Variants in PLXNA2 observed in about 807,000 individuals in gnomAD.
PLXNA2 encodes the protein plexin A2.
In PLXNA2, 91 loss-of-function variants were observed where a neutral mutation model predicts 193.5. The observed-to-expected ratio is 0.47, with a 90% confidence interval of 0.40 to 0.56. PLXNA2 has a LOEUF of 0.56. PLXNA2 is among the 20% of genes least tolerant of loss of function. The pLI, the probability that PLXNA2 is intolerant of heterozygous loss-of-function variation, is 0.00. For missense variants in PLXNA2, 1,995 were observed against 2,503.2 expected, an observed-to-expected ratio of 0.80 and a Z score of 4.33; for synonymous variants, 997 against 1,027.3, an observed-to-expected ratio of 0.97 and a Z score of 0.56.
intron 13 of PLXNA2, among the ~76,000 whole-genome samples, chr1:208,060,358 C>T (rs1233242575): frequency 1.3e-5 from 2 of 152,188 alleles, no homozygotes; most frequent in Non-Finnish European, 2.9e-5. Context: ...GGATGCATTC[C>T]AATGGGGGCT....
chr1:208,151,885 A>C (rs1334157871), intron 3 of PLXNA2, among the ~76,000 whole-genome samples: 1 of 152,164 alleles, frequency 6.6e-6, no homozygotes, highest in African/African-American at 2.4e-5. Flanking sequence ...CAGGAGGACA[A>C]TGCCTACATT....
At chr1:208,183,511 A>G (rs1669907264) in intron 3 of PLXNA2, among the ~76,000 whole-genome samples, 1 of 151,654 alleles carries the variant, frequency 6.6e-6, no homozygotes. Context: ...ATGGGAGGGA[A>G]ACCAGATGTC....
intron 1 of PLXNA2, among the ~76,000 whole-genome samples, chr1:208,228,882 C>A (rs539557327): frequency 6.6e-6 from 1 of 152,184 alleles, no homozygotes; most frequent in African/African-American, 2.4e-5. Context: ...AATCTCCTTT[C>A]TCTCCTCCAA....
At chr1:208,169,595 A>C (rs1265232896) in intron 3 of PLXNA2, among the ~76,000 whole-genome samples, 2 of 152,256 alleles carry the variant, frequency 1.3e-5, no homozygotes, top group East Asian at 3.8e-4. Context: ...CCAGGAAATC[A>C]GAAGACTTGG....
chr1:208,142,435 C>G lies in PLXNA2; in HGVS notation c.1400G>C (p.Gly467Ala), dbSNP rs780086936. 2 of 1,612,154 alleles carry G rather than the reference C, an allele frequency of 1.2e-6. No individual in the cohort carries two copies. The highest frequency in any genetic ancestry group is 1.7e-6 in the Non-Finnish European group (2 of 1,179,442). Residue 467 changes from glycine (G) to alanine (A), a missense_variant, in exon 4 of 32, where the codon GGG (glycine) becomes GCG (alanine). Physicochemically the swap from Gly to Ala is moderately conservative, Grantham distance 60. This residue lies in a region of PLXNA2 where 702 missense variants were observed against 812.9 expected (regional missense o/e 0.86). Transcript: ENST00000367033. ...CACAGAGACCATCTCGTACTGGACC[C>G]CACCATGGGGGGGACCGTCGGCCCG... Reference protein sequence around the residue: ...KIRADGPPHGGVQYEMVSVLK... With the variant: ...KIRADGPPHGAVQYEMVSVLK...
At chr1:208,033,229 GA>G (rs2102303310) in intron 28 of PLXNA2, 89 bp downstream of exon 28, 1 of 1,244,694 alleles carries the variant, frequency 8.0e-7, no homozygotes, top group East Asian at 2.3e-5. Flanking sequence ...CCTCTTGAAG[GA>G]CACACTCCAG....
chr1:208,179,478 C>T (rs1258791714), intron 3 of PLXNA2, among the ~76,000 whole-genome samples: 1 of 152,158 alleles, frequency 6.6e-6, no homozygotes, highest in Non-Finnish European at 1.5e-5. Context: ...CCTCCTCCCT[C>T]CTGGCATAAT....
At chr1:208,180,127 A>G (rs1669793252) in intron 3 of PLXNA2, among the ~76,000 whole-genome samples, 1 of 151,080 alleles carries the variant, frequency 6.6e-6, no homozygotes, top group African/African-American at 2.4e-5. Flanking sequence ...TTCCTCCTCC[A>G]CAACAGGCGG....
chr1:208,048,797 G>A (rs1039705131), intron 17 of PLXNA2, among the ~76,000 whole-genome samples: 4 of 152,194 alleles, frequency 2.6e-5, no homozygotes, highest in African/African-American at 4.8e-5. Flanking sequence ...TATTAATTAC[G>A]TCTTTTATTT....
At chr1:208,119,299 A>G (rs1430097010) in intron 4 of PLXNA2, among the ~76,000 whole-genome samples, 3 of 152,150 alleles carry the variant, frequency 2.0e-5, no homozygotes, top group South Asian at 2.1e-4. Context: ...CAGGCATGCC[A>G]TATATATTGT....
At position 208,038,796 on chromosome 1, in the gene PLXNA2, C is replaced by T; in HGVS notation, c.4660+29G>A. On this transcript the variant is annotated intron_variant, in intron 25 of 31. Coordinates refer to ENST00000367033, the MANE Select transcript of PLXNA2 (RefSeq NM_025179.4). This position sits in a 1 kb window ranked among gnomAD's most constrained non-coding sequence, Gnocchi z 4.1. ...CCCTTCCTTCACCTCTCAACCCCTG[C>T]CCTCACACTCTGAGTCCAGGTTTCC... The T allele has an allele frequency of 1.9e-6, 3 of 1,605,670 alleles. No homozygotes were observed. Among genetic ancestry groups the T allele is most frequent in the Non-Finnish European group, 2.6e-6 (3 of 1,174,040 alleles).
chr1:208,095,590 C>A (rs1481869872), intron 8 of PLXNA2, among the ~76,000 whole-genome samples: 2 of 152,170 alleles, frequency 1.3e-5, no homozygotes, highest in Non-Finnish European at 2.9e-5. Flanking sequence ...TTCCCTGCTC[C>A]TCCTCTGTGG....
chr1:208,047,291 C>T (rs2102328220), intron 17 of PLXNA2, among the ~76,000 whole-genome samples: 1 of 152,358 alleles, frequency 6.6e-6, no homozygotes, highest in African/African-American at 2.4e-5. Context: ...GGACCTCTCT[C>T]TCTTCTCTAA....
intron 3 of PLXNA2, among the ~76,000 whole-genome samples, chr1:208,151,558 C>G (rs1034592103): frequency 6.6e-6 from 1 of 152,182 alleles, no homozygotes; most frequent in African/African-American, 2.4e-5. Context: ...GACAAGGAAA[C>G]TAGCACTTCC....
intron 1 of PLXNA2, among the ~76,000 whole-genome samples, chr1:208,235,919 G>A (rs1304575005): frequency 1.3e-5 from 2 of 152,150 alleles, no homozygotes; most frequent in African/African-American, 4.8e-5. Flanking sequence ...TAAACCTCAG[G>A]GGGTGGGGTG....
In PLXNA2 at chr1:208,127,432, T is replaced by G. The variant is rs141919217; in HGVS notation, c.1506+14897A>C. 1.1e-4 allele frequency among the ~76,000 whole-genome samples: 16 copies of G among 152,350 alleles called. No homozygotes were observed. In the East Asian group the frequency reaches 3.1e-3, roughly 29 times the overall value. ...GCCTTCCAGGGACCAATGTGGCATG[T>G]CTTCTTGTCAGCACACACTTGTTAG... On this transcript the variant is annotated intron_variant, in intron 4 of 31. Transcript: ENST00000367033.
chr1:208,158,484 G>A (rs1410827037), intron 3 of PLXNA2, among the ~76,000 whole-genome samples: 1 of 152,150 alleles, frequency 6.6e-6, no homozygotes, highest in East Asian at 1.9e-4. Context: ...GTTAAGGGCA[G>A]AAGACACCAG....
intron 3 of PLXNA2, among the ~76,000 whole-genome samples, chr1:208,179,077 G>A (rs1397081517): frequency 6.6e-6 from 1 of 152,206 alleles, no homozygotes; most frequent in African/African-American, 2.4e-5. Context: ...CTGGGCCTGG[G>A]CTACGGAGAG....
chr1:208,074,362 C>G (rs1571886829), intron 12 of PLXNA2, among the ~76,000 whole-genome samples: 1 of 152,148 alleles, frequency 6.6e-6, no homozygotes, highest in East Asian at 1.9e-4. Flanking sequence ...GTGACACGTG[C>G]ACAGACACCC....
Sources: gnomAD v4.1 joint callset for allele counts (sites outside exome capture counted in the v4.1 genomes callset) on GRCh38, gnomAD v4.1.1 for gene constraint, gnomAD v4.1.1 regional missense constraint, Gnocchi (gnomAD v3.1) non-coding constraint, MANE v1.5 for transcripts, NCBI Gene and HGNC (gene_info 2026-07-23, HGNC 2026-07-21) for gene names.